The following PDHX variants were observed in gnomAD, a reference collection of about 807,000 sequenced individuals.
The protein encoded by PDHX is pyruvate dehydrogenase protein X component, mitochondrial.
Under a neutral mutation model 55.3 loss-of-function variants are expected in PDHX, and 33 were observed. That is an observed-to-expected ratio of 0.60 (90% CI 0.45 to 0.80). The LOEUF (loss-of-function observed/expected upper bound fraction) is 0.80, where lower values mean the gene tolerates loss of function less well. Ranked by LOEUF, PDHX falls within the 30% of genes least tolerant of loss-of-function variation. The pLI is 0.00. For missense variants in PDHX, 622 were observed against 619.9 expected, an observed-to-expected ratio of 1.00 and a Z score of -0.04; for synonymous variants, 226 against 219.4, an observed-to-expected ratio of 1.03 and a Z score of -0.27.
intron 1 of PDHX, among the ~76,000 whole-genome samples, chr11:34,929,469 G>A (rs1478701816): frequency 6.6e-6 from 1 of 152,144 alleles, no homozygotes; most frequent in Non-Finnish European, 1.5e-5. Context: ...CCTCAAATCT[G>A]CCCACCTCGG....
chr11:34,933,254 C>T (rs1242854177), intron 2 of PDHX, among the ~76,000 whole-genome samples: 3 of 152,040 alleles, frequency 2.0e-5, no homozygotes, highest in Non-Finnish European at 2.9e-5. Context: ...TCATTTTTTT[C>T]TCTCTCTTTT....
At chr11:34,927,118 A>T (rs954897687) in intron 1 of PDHX, among the ~76,000 whole-genome samples, 23 of 152,118 alleles carry the variant, frequency 1.5e-4, no homozygotes, top group African/African-American at 5.5e-4. Flanking sequence ...TCATTTAAAA[A>T]TTTTTAAAAA....
Position 34,957,357 on chromosome 11 carries a change from CTACAGTTACTTCTT to C in PDHX, c.343-25_343-12del, listed in dbSNP as rs1231532726. Reference sequence around the variant, plus strand: ...AATGCAGTCATGGGGTTTTACTTCTCTACAGTTACTTCTTTTTTAAATATAGGTTGAAGAAGGAA... The same window carrying C: ...AATGCAGTCATGGGGTTTTACTTCTCTTTTAAATATAGGTTGAAGAAGGAA... On this transcript the variant is annotated splice_polypyrimidine_tract_variant and intron_variant, in intron 3 of 10. Coordinates refer to ENST00000227868, the MANE Select transcript of PDHX (RefSeq NM_003477.3). 6.9e-7 allele frequency: 1 copy of C among 1,450,562 alleles called. No homozygotes were observed. Among genetic ancestry groups the C allele is most frequent in the African/African-American group, 1.4e-5 (1 of 71,640 alleles). 89.9% of individuals were successfully genotyped at this position (1,450,562 alleles called of 1,614,324 possible). A position where few individuals can be genotyped will look rare whatever the true frequency, so the allele number is the denominator to read the frequency against.
upstream of PDHX, chr11:34,916,427 C>T (rs1565143860): frequency 1.7e-5 from 25 of 1,487,438 alleles, no homozygotes; most frequent in African/African-American, 2.8e-5. Flanking sequence ...GGGCGGGGGC[C>T]GGGGTCTGGT....
chr11:34,975,635 C>T (rs1158443607), intron 7 of PDHX, among the ~76,000 whole-genome samples: 2 of 151,950 alleles, frequency 1.3e-5, no homozygotes, highest in Non-Finnish European at 2.9e-5. Context: ...CATGTTGTAC[C>T]ATACTCTGCC....
At chr11:34,928,467 T>C (rs1425715113) in intron 1 of PDHX, among the ~76,000 whole-genome samples, 1 of 139,034 alleles carries the variant, frequency 7.2e-6, no homozygotes, top group Middle Eastern at 3.8e-3. Flanking sequence ...ACCCCCCTCC[T>C]TTTTTTTTTT....
intron 7 of PDHX, among the ~76,000 whole-genome samples, chr11:34,975,756 G>A (rs975923669): frequency 2.0e-5 from 3 of 152,040 alleles, no homozygotes; most frequent in African/African-American, 7.2e-5. Context: ...TGTAACCTCC[G>A]CTCCCTAATG....
intron 2 of PDHX, 149 bp from the exon 3 acceptor site, chr11:34,947,357 C>T (rs1435579705): frequency 1.7e-6 from 1 of 604,720 alleles, no homozygotes; most frequent in African/African-American, 1.9e-5. Context: ...ACACAAACAC[C>T]CACACATAAT....
chr11:34,939,069 T>G (rs1009815512), intron 2 of PDHX, among the ~76,000 whole-genome samples: 2 of 152,240 alleles, frequency 1.3e-5, no homozygotes, highest in African/African-American at 4.8e-5. Context: ...TAACACTTAT[T>G]TACTGTATAC....
chr11:34,936,975 G>A (rs1854336434), intron 2 of PDHX, among the ~76,000 whole-genome samples: 1 of 151,694 alleles, frequency 6.6e-6, no homozygotes, highest in South Asian at 2.1e-4. Context: ...TTTTAGTAGA[G>A]ACAAGGTTTC....
At chr11:34,976,594 C>A (rs1855380043) in intron 7 of PDHX, among the ~76,000 whole-genome samples, 1 of 152,084 alleles carries the variant, frequency 6.6e-6, no homozygotes, top group Admixed American at 6.6e-5. Flanking sequence ...GGAATTGGAA[C>A]TGGAACTTCT....
chr11:34,980,512 A>G (rs973263762), intron 8 of PDHX, among the ~76,000 whole-genome samples: 1 of 151,716 alleles, frequency 6.6e-6, no homozygotes, highest in East Asian at 1.9e-4. Context: ...TTGTAATTAA[A>G]TTTATTTGCC....
chr11:34,992,220 AGAGAT>A, intron 9 of PDHX, 90 bp from the exon 10 acceptor site: 1 of 724,514 alleles, frequency 1.4e-6, no homozygotes, highest in South Asian at 1.6e-5. Flanking sequence ...AAGGCATATC[AGAGAT>A]GAGAGTATAT....
rs375993336 is a variant in PDHX at position 34,970,160 on chromosome 11, G to A, written c.838G>A (p.Ala280Thr). The change falls in exon 7 of 11, where the codon GCC becomes ACC. Residue 280 changes from alanine (A) to threonine (T), a missense_variant. Transcript: ENST00000227868. ...NAVGTFTEIP[A>T]SNIRRVIAKR... ...GCAGGGCACATTCACTGAAATCCCC[G>A]CCAGCAATATTCGAAGAGTTATTGC... The A allele has an allele frequency of 5.4e-5, 87 of 1,613,194 alleles. No individual in the cohort carries two copies. The African/African-American group carries it at 7.1e-4, about 13-fold the overall frequency.
At chr11:34,929,523 G>C (rs1854105140) in intron 1 of PDHX, among the ~76,000 whole-genome samples, 1 of 152,154 alleles carries the variant, frequency 6.6e-6, no homozygotes, top group South Asian at 2.1e-4. Context: ...GTTCAAGGTG[G>C]GGAAAAGGCT....
intron 7 of PDHX, among the ~76,000 whole-genome samples, chr11:34,975,888 A>G (rs1478622335): frequency 6.6e-6 from 1 of 152,208 alleles, no homozygotes; most frequent in Non-Finnish European, 1.5e-5. Flanking sequence ...TTATCAGTTT[A>G]TATACAGAGT....
At chr11:34,962,270 T>C (rs1388161009) in intron 5 of PDHX, among the ~76,000 whole-genome samples, 1 of 152,184 alleles carries the variant, frequency 6.6e-6, no homozygotes, top group Non-Finnish European at 1.5e-5. Context: ...AGGTAATGAA[T>C]ACTTGAATGT....
intron 5 of PDHX, among the ~76,000 whole-genome samples, chr11:34,963,325 T>C (rs1488836861): frequency 6.6e-6 from 1 of 152,048 alleles, no homozygotes; most frequent in East Asian, 1.9e-4. Flanking sequence ...GTCACCCAGG[T>C]TGGGGTGCTG....
At chr11:34,930,416 A>G (rs150165089) in intron 1 of PDHX, among the ~76,000 whole-genome samples, 204 of 152,334 alleles carry the variant, frequency 1.3e-3, no homozygotes, top group African/African-American at 4.8e-3. Flanking sequence ...TTAGTGCTCA[A>G]TTTCCTTGCT....
Sources: gnomAD v4.1 joint callset for allele counts (sites outside exome capture counted in the v4.1 genomes callset) on GRCh38, gnomAD v4.1.1 for gene constraint, MANE v1.5 for transcripts, NCBI Gene and HGNC (gene_info 2026-07-23, HGNC 2026-07-21) for gene names.